RUNX1: variants seen among roughly 807,000 people sequenced by gnomAD.
RUNX1 encodes RUNX family transcription factor 1, also known as runt-related transcription factor 1.
A neutral mutation model predicts 42.8 loss-of-function variants in RUNX1; 19 were observed. That is an observed-to-expected ratio of 0.44 (90% CI 0.31 to 0.65). The LOEUF (loss-of-function observed/expected upper bound fraction) is 0.65. Ranked by LOEUF, RUNX1 falls within the 30% of genes least tolerant of loss-of-function variation. RUNX1 has a pLI of 0.07. For missense variants in RUNX1, 528 were observed against 672.0 expected (o/e 0.79, Z 2.37); for synonymous variants, 271 against 289.4 (o/e 0.94, Z 0.64).
chr21:35,006,470 C>T (rs2059085750), intron 2 of RUNX1, among the ~76,000 whole-genome samples: 3 of 152,060 alleles, frequency 2.0e-5, no homozygotes, highest in African/African-American at 7.2e-5. Flanking sequence ...AGAAAACTAC[C>T]CACATGGCTC....
intron 2 of RUNX1, among the ~76,000 whole-genome samples, chr21:35,015,847 A>G (rs1256368500): frequency 3.3e-5 from 5 of 152,234 alleles, no homozygotes; most frequent in Non-Finnish European, 7.3e-5. Flanking sequence ...ACTCAAGGTC[A>G]AGAGCTAGTT....
intron 7 of RUNX1, among the ~76,000 whole-genome samples, chr21:34,811,264 T>A (rs1201422225): frequency 6.6e-6 from 1 of 152,232 alleles, no homozygotes; most frequent in Non-Finnish European, 1.5e-5. Context: ...CCTCGTCCCC[T>A]TCAATAAACG....
At chr21:35,020,385 C>A (rs1569153710) in intron 2 of RUNX1, among the ~76,000 whole-genome samples, 1 of 152,024 alleles carries the variant, frequency 6.6e-6, no homozygotes, top group Admixed American at 6.6e-5. Flanking sequence ...GTTTGATCAC[C>A]CTCATGGAGA....
chr21:34,945,308 G>A lies in RUNX1; in HGVS notation c.59-52345C>T, dbSNP rs115431670. Reference sequence around the variant, plus strand: ...ATTCTACAATCTCACAAACATATTCGGGTCCATTTCTCTGTGCTTACAAAC... The same window carrying A: ...ATTCTACAATCTCACAAACATATTCAGGTCCATTTCTCTGTGCTTACAAAC... On this transcript the variant is annotated intron_variant, in intron 2 of 8. Coordinates refer to ENST00000675419, the MANE Select transcript of RUNX1 (RefSeq NM_001754.5). 5.2e-3 allele frequency among the ~76,000 whole-genome samples: 790 copies of A among 152,040 alleles called. 12 individuals carry two copies. Among genetic ancestry groups the A allele is most frequent in the African/African-American group, 0.018 (737 of 41,462 alleles).
intron 5 of RUNX1, among the ~76,000 whole-genome samples, chr21:34,878,360 A>AATAT (rs1555898234): frequency 7.9e-4 from 106 of 133,408 alleles, no homozygotes; most frequent in African/African-American, 2.8e-3. Flanking sequence ...AAAAAAAAAA[A>AATAT]ATATATATAT....
At chr21:35,046,517 T>C (rs1373019359) in intron 2 of RUNX1, among the ~76,000 whole-genome samples, 1 of 152,106 alleles carries the variant, frequency 6.6e-6, no homozygotes, top group Non-Finnish European at 1.5e-5. Flanking sequence ...CCACTGCGAG[T>C]GGCCCAGCTA....
intron 2 of RUNX1, among the ~76,000 whole-genome samples, chr21:34,922,014 A>G (rs2058357912): frequency 6.6e-6 from 1 of 152,194 alleles, no homozygotes; most frequent in Admixed American, 6.5e-5. Context: ...ATAGGATAAT[A>G]TTAATTAATT....
intron 2 of RUNX1, among the ~76,000 whole-genome samples, chr21:34,913,383 A>C (rs2058287840): frequency 6.6e-6 from 1 of 152,182 alleles, no homozygotes. Flanking sequence ...GTTCACCCAC[A>C]AAAGAATGGA....
rs558348032 is a variant in RUNX1, at chr21:34,823,145, C to T, written c.805+11265G>A. ...GGCTGGGAGACTTAACCGTCCCAGA[C>T]GGGTGAGCTCCTGATACTCAAGTTA... is the stretch of plus-strand genomic sequence containing the variant. On this transcript the variant is annotated intron_variant, in intron 7 of 8. Transcript: ENST00000675419. 3.2e-4 allele frequency among the ~76,000 whole-genome samples: 48 copies of T among 152,316 alleles called. No individual in the cohort carries two copies. The South Asian group carries it at 3.9e-3, about 12-fold the overall frequency.
At chr21:34,865,379 C>T (rs966836195) in intron 5 of RUNX1, among the ~76,000 whole-genome samples, 3 of 151,176 alleles carry the variant, frequency 2.0e-5, no homozygotes, top group African/African-American at 7.3e-5. Context: ...ACTTCAAGTT[C>T]AAGTTCACTC....
intron 5 of RUNX1, among the ~76,000 whole-genome samples, chr21:34,872,679 T>C (rs2057757020): frequency 6.6e-6 from 1 of 152,070 alleles, no homozygotes; most frequent in Non-Finnish European, 1.5e-5. Context: ...CAGGGCGAGA[T>C]CACGCATGAC....
chr21:34,798,591 T>C (rs2056563966), intron 8 of RUNX1, among the ~76,000 whole-genome samples: 1 of 152,056 alleles, frequency 6.6e-6, no homozygotes, highest in South Asian at 2.1e-4. Context: ...TAACCAACTG[T>C]AGATCAAAAA....
At position 34,930,715 on chromosome 21, in the gene RUNX1, TCTCTCA is replaced by T. The variant is rs759571037; in HGVS notation, c.59-37758_59-37753del. 2.7e-3 allele frequency among the ~76,000 whole-genome samples: 345 copies of T among 127,406 alleles called. 3 individuals carry two copies. The highest frequency in any genetic ancestry group is 9.2e-3 in the South Asian group (37 of 4,042). The allele number at this position is 127,406 out of a possible 152,430, so 83.6% of individuals were successfully genotyped here. A position where few individuals can be genotyped will look rare whatever the true frequency, so the allele number is the denominator to read the frequency against. ...GCCACACACACACACTCTCTCTCTCTCTCTCACACACACACACACACACACACACTC... is the reference window on the plus strand; with the variant it reads ...GCCACACACACACACTCTCTCTCTCTCACACACACACACACACACACACTC... On this transcript the variant is annotated intron_variant, in intron 2 of 8. Coordinates refer to ENST00000675419, the MANE Select transcript of RUNX1 (RefSeq NM_001754.5).
intron 3 of RUNX1, chr21:34,889,862 G>T: frequency 2.8e-6 from 3 of 1,086,732 alleles, no homozygotes; most frequent in Non-Finnish European, 3.4e-6. Flanking sequence ...CGCCCTCCCT[G>T]CCGGGCCCTG....
chr21:34,799,602 C>G, intron 7 of RUNX1, 140 bp from the exon 8 acceptor site: 2 of 697,124 alleles, frequency 2.9e-6, no homozygotes, highest in Non-Finnish European at 4.9e-6. Context: ...AATAAGCCTA[C>G]TCAAGTCCAA....
chr21:35,039,057 C>G (rs1291532747), intron 2 of RUNX1, among the ~76,000 whole-genome samples: 1 of 152,220 alleles, frequency 6.6e-6, no homozygotes, highest in African/African-American at 2.4e-5. Flanking sequence ...AACTGCATTT[C>G]TAACACAGCC....
intron 3 of RUNX1, among the ~76,000 whole-genome samples, chr21:34,888,917 C>T (rs2058039319): frequency 1.3e-5 from 2 of 151,530 alleles, no homozygotes; most frequent in Admixed American, 6.6e-5. Flanking sequence ...AGGCCACCCC[C>T]GCGCCCCGCA....
chr21:34,949,130 C>G (rs186838005), intron 2 of RUNX1, among the ~76,000 whole-genome samples: 2 of 152,140 alleles, frequency 1.3e-5, no homozygotes, highest in Non-Finnish European at 2.9e-5. Flanking sequence ...AGCTACACTG[C>G]CTGGAGATTT....
intron 7 of RUNX1, among the ~76,000 whole-genome samples, chr21:34,824,680 A>G (rs2056962454): frequency 6.6e-6 from 1 of 152,230 alleles, no homozygotes; most frequent in South Asian, 2.1e-4. Context: ...TGCCTCTGTC[A>G]ATTTCCCCTA....
Sources: gnomAD v4.1 joint callset for allele counts (sites outside exome capture counted in the v4.1 genomes callset) on GRCh38, gnomAD v4.1.1 for gene constraint, MANE v1.5 for transcripts, NCBI Gene and HGNC (gene_info 2026-07-23, HGNC 2026-07-21) for gene names.